USP5: variants seen among roughly 807,000 people sequenced by gnomAD.
USP5 encodes the protein ubiquitin carboxyl-terminal hydrolase 5.
In USP5, 24 loss-of-function variants were observed where a neutral mutation model predicts 102.5. That is an observed-to-expected ratio of 0.23 (90% confidence interval 0.17 to 0.33). The LOEUF is 0.33. USP5 is among the 10% of genes least tolerant of loss of function. USP5 has a pLI of 1.00. For missense variants in USP5, 753 were observed against 1,122.1 expected, an observed-to-expected ratio of 0.67 and a Z score of 4.70; for synonymous variants, 460 against 434.8, an observed-to-expected ratio of 1.06 and a Z score of -0.72.
Position 6,863,896 on chromosome 12 carries a change from G to A in USP5, c.2021G>A (p.Arg674His), listed in dbSNP as rs782070238. 1.8e-5 allele frequency: 29 copies of A among 1,612,004 alleles called. No individual in the cohort carries two copies. Among genetic ancestry groups the A allele is most frequent in the East Asian group, 4.5e-5 (2 of 44,800 alleles). The change falls in exon 16 of 20, where the codon CGC becomes CAC. Residue 674 changes from arginine to histidine, a missense_variant. Physicochemically the swap from Arg to His is conservative, Grantham distance 29 (BLOSUM62 0). Transcript: ENST00000229268. This position sits in a 1 kb window ranked among gnomAD's most constrained non-coding sequence, Gnocchi z 4.7. The part of the protein sequence containing the change: ...VEMGFPMDAC[R>H]KAVYYTGNSG... ...ATGGGATTCCCTATGGACGCCTGCC[G>A]CAAAGCTGTCTACTACACGGGCAAC...
rs151164847 is a variant in USP5, at chr12:6,853,063, TG to T, written c.111+774del. 2.8e-3 allele frequency among the ~76,000 whole-genome samples: 431 copies of T among 152,280 alleles called. 1 individual carries two copies. Among genetic ancestry groups the T allele is most frequent in the African/African-American group, 7.6e-3 (314 of 41,544 alleles). The stretch of plus-strand genomic sequence containing the variant: ...TTACACAAAGCCACCTCCCACACCA[TG>T]CTTCACGTTTTGCAGGCTCCACCTG... On this transcript the variant is annotated intron_variant, in intron 1 of 19. Transcript: ENST00000229268.
At chr12:6,852,645 C>T (rs1457416694) in intron 1 of USP5, among the ~76,000 whole-genome samples, 2 of 152,248 alleles carry the variant, frequency 1.3e-5, no homozygotes, top group Admixed American at 6.5e-5. Context: ...CTGCCGCGCA[C>T]GGCTCTCCGG....
intron 1 of USP5, among the ~76,000 whole-genome samples, chr12:6,853,468 G>A (rs782504734): frequency 1.6e-4 from 25 of 152,336 alleles, no homozygotes; most frequent in Non-Finnish European, 3.2e-4. Context: ...GCAGAGCTCC[G>A]GGGTTCCCAA....
chr12:6,854,442 T>C (rs1354749962), intron 1 of USP5, among the ~76,000 whole-genome samples: 4 of 152,136 alleles, frequency 2.6e-5, no homozygotes, highest in African/African-American at 9.7e-5. Context: ...TTCGACTACC[T>C]GGTAGAATGT....
In USP5 at chr12:6,861,119, A is replaced by T. The variant is rs377378758; in HGVS notation, c.1498+13A>T. 22 of 1,613,686 alleles carry T rather than the reference A, an allele frequency of 1.4e-5. No individual in the cohort carries two copies. Among genetic ancestry groups the T allele is most frequent in the Non-Finnish European group, 1.9e-5 (22 of 1,179,800 alleles). The stretch of plus-strand genomic sequence containing the variant: ...GCCCTTAACAAAGGTAGGCTGCTCC[A>T]TCAGCAAGGCCGTGGCACGGTGGGA... On this transcript the variant is annotated intron_variant, in intron 12 of 19. Transcript: ENST00000229268. The surrounding 1 kb of genome is among the most constrained non-coding windows in gnomAD (Gnocchi z 4.9).
chr12:6,857,041 T>TG, intron 6 of USP5, 150 bp downstream of exon 6: 5 of 1,080,972 alleles, frequency 4.6e-6, no homozygotes, highest in Non-Finnish European at 6.5e-6. Context: ...ATCCCAACAC[T>TG]TTGGGAGGCC....
rs1252048032 is a variant in USP5 at position 6,855,002 on chromosome 12, C to G, written c.112-399C>G. 9.9e-5 allele frequency among the ~76,000 whole-genome samples: 15 copies of G among 152,096 alleles called. No individual in the cohort carries two copies. The highest frequency in any genetic ancestry group is 3.6e-4 in the African/African-American group (15 of 41,394). On this transcript the variant is annotated intron_variant, in intron 1 of 19. Coordinates refer to ENST00000229268, the MANE Select transcript of USP5 (RefSeq NM_001098536.2). This position sits in a 1 kb window ranked among gnomAD's most constrained non-coding sequence, Gnocchi z 4.6. ...AATGTAATCTCCAGCACTGGAAGTC[C>G]ACAGTATTTGATCCCCATTTACTTT...
In USP5 at chr12:6,860,935, C is replaced by T; in HGVS notation, c.1345-18C>T. The T allele has an allele frequency of 6.2e-7, 1 of 1,613,916 alleles. No individual in the cohort carries two copies. The highest frequency in any genetic ancestry group is 2.2e-5 in the East Asian group (1 of 44,882). Reference sequence around the variant, plus strand: ...TCCCTGGCTGCCCAGACCTCCCTACCCTGCCTCTTTCCCATAGAGGAATTG... The same window carrying T: ...TCCCTGGCTGCCCAGACCTCCCTACTCTGCCTCTTTCCCATAGAGGAATTG... On this transcript the variant is annotated intron_variant, in intron 11 of 19. Coordinates refer to ENST00000229268, the MANE Select transcript of USP5 (RefSeq NM_001098536.2). The surrounding 1 kb of genome is among the most constrained non-coding windows in gnomAD (Gnocchi z 5.5).
At chr12:6,862,690 T>G (rs781991611) in intron 14 of USP5, 132 bp downstream of exon 14, 17 of 757,544 alleles carry the variant, frequency 2.2e-5, no homozygotes, top group Non-Finnish European at 3.4e-5. Context: ...GTTTCAAAAT[T>G]TATCTAGTTT....
chr12:6,862,606 G>C (rs1444301683), intron 14 of USP5, 48 bp downstream of exon 14: 1 of 1,569,162 alleles, frequency 6.4e-7, no homozygotes. Flanking sequence ...GCTAGAAAAA[G>C]AAGGGGCTTT....
intron 6 of USP5, 131 bp from the exon 7 acceptor site, chr12:6,857,498 A>C (rs1221601360): frequency 1.4e-6 from 1 of 713,350 alleles, no homozygotes; most frequent in African/African-American, 1.8e-5. Flanking sequence ...CTCATATTCA[A>C]GGGAACCAAG....
chr12:6,863,065 C>T lies in USP5; in HGVS notation c.1763-121C>T, dbSNP rs1565533331. Reference sequence around the variant, plus strand: ...TATACTGGGACCCCTAAGATGGGTGCCGTGCTTTTAGCAGCTCCTCTTTAC... The same window carrying T: ...TATACTGGGACCCCTAAGATGGGTGTCGTGCTTTTAGCAGCTCCTCTTTAC... On this transcript the variant is annotated intron_variant, in intron 14 of 19. Transcript: ENST00000229268. This position sits in a 1 kb window ranked among gnomAD's most constrained non-coding sequence, Gnocchi z 4.7. 3 of 964,168 alleles carry T rather than the reference C, an allele frequency of 3.1e-6. No individual in the cohort carries two copies. Among genetic ancestry groups the T allele is most frequent in the African/African-American group, 3.3e-5 (2 of 60,386 alleles). The allele number at this position is 964,168 out of a possible 1,614,324, so 59.7% of individuals were successfully genotyped here.
rs1411939169 is a variant in USP5 at position 6,861,102 on chromosome 12, C to T, written c.1494C>T (p.Asn498=). 12 of 1,613,942 alleles carry T rather than the reference C, an allele frequency of 7.4e-6. No homozygotes were observed. Among genetic ancestry groups the T allele is most frequent in the Non-Finnish European group, 1.0e-5 (12 of 1,179,956 alleles). Reference sequence around the variant, plus strand: ...CTGTGCCCATGGATGCAGCCCTTAACAAAGGTAGGCTGCTCCATCAGCAAG... The same window carrying T: ...CTGTGCCCATGGATGCAGCCCTTAATAAAGGTAGGCTGCTCCATCAGCAAG... The part of the protein sequence containing the change: ...QLPVPMDAAL[N]KEELLEYEEK... The change falls in exon 12 of 20, where the codon AAC becomes AAT. Residue 498 remains asparagine, a synonymous_variant. Transcript: ENST00000229268. The surrounding 1 kb of genome is among the most constrained non-coding windows in gnomAD (Gnocchi z 4.9).
rs782794069 is a variant in USP5 at position 6,862,603 on chromosome 12, A to G, written c.1762+45A>G. 2.5e-6 allele frequency: 4 copies of G among 1,573,042 alleles called. No homozygotes were observed. The Admixed American group carries it at 6.7e-5, about 26-fold the overall frequency. On this transcript the variant is annotated intron_variant, in intron 14 of 19. Transcript: ENST00000229268. ...GGAGGTTACACAGAAAATGCTAGAA[A>G]AAGAAGGGGCTTTAACACATATAAA...
At position 6,864,790 on chromosome 12, in the gene USP5, C is replaced by G. The variant is rs781860852; in HGVS notation, c.2313C>G (p.Ala771=). ...SHIDDLDAEA[A]MDISEGRSAA... ...TTGACGACCTGGATGCTGAAGCTGC[C>G]ATGGACATCTCAGAGGGCCGCTCAG... The change falls in exon 18 of 20, where the codon GCC becomes GCG. Residue 771 remains alanine, a synonymous_variant. Transcript: ENST00000229268. This position sits in a 1 kb window ranked among gnomAD's most constrained non-coding sequence, Gnocchi z 4.8. The G allele has an allele frequency of 6.2e-7, 1 of 1,613,868 alleles. No individual in the cohort carries two copies.
chr12:6,856,989 A>G lies in USP5; in HGVS notation c.769+98A>G. 1 of 1,432,484 alleles carries G rather than the reference A, an allele frequency of 7.0e-7. No homozygotes were observed. The highest frequency in any genetic ancestry group is 2.3e-5 in the Admixed American group (1 of 42,996). The allele number at this position is 1,432,484 out of a possible 1,614,324, so 88.7% of individuals were successfully genotyped here. ...TATAATACATGAATGCATTATCTTG[A>G]TAAGAAAGGAAAGTAGTCAGGTGCG... On this transcript the variant is annotated intron_variant, in intron 6 of 19. Transcript: ENST00000229268. This position sits in a 1 kb window ranked among gnomAD's most constrained non-coding sequence, Gnocchi z 5.6.
chr12:6,864,798 T>C lies in USP5; in HGVS notation c.2321T>C (p.Ile774Thr). Reference sequence around the variant, plus strand: ...CTGGATGCTGAAGCTGCCATGGACATCTCAGAGGGCCGCTCAGCTGCCGAC... The same window carrying C: ...CTGGATGCTGAAGCTGCCATGGACACCTCAGAGGGCCGCTCAGCTGCCGAC... Reference protein sequence around the residue: ...DDLDAEAAMDISEGRSAADSI... With the variant: ...DDLDAEAAMDTSEGRSAADSI... Residue 774 changes from isoleucine to threonine, a missense_variant, in exon 18 of 20, where the codon ATC becomes ACC. This residue lies in a region of USP5 where 193 missense variants were observed against 230.2 expected (regional missense o/e 0.84). Transcript: ENST00000229268. The surrounding 1 kb of genome is among the most constrained non-coding windows in gnomAD (Gnocchi z 4.8). 1 of 1,613,924 alleles carries C rather than the reference T, an allele frequency of 6.2e-7. No individual in the cohort carries two copies. The highest frequency in any genetic ancestry group is 8.5e-7 in the Non-Finnish European group (1 of 1,180,026).
In USP5 at chr12:6,859,559, A is replaced by T. The variant is rs781828887; in HGVS notation, c.1130+18A>T. 2.5e-6 allele frequency: 4 copies of T among 1,613,650 alleles called. No individual in the cohort carries two copies. The African/African-American group carries it at 5.3e-5, about 22-fold the overall frequency. On this transcript the variant is annotated intron_variant, in intron 9 of 19. Transcript: ENST00000229268. ...ACCCAGGTGTATGTAACCAGGTCCTATGTAGGAAAGCTGTTGACAGTCATG... is the reference window on the plus strand; with the variant it reads ...ACCCAGGTGTATGTAACCAGGTCCTTTGTAGGAAAGCTGTTGACAGTCATG...
Position 6,856,412 on chromosome 12 carries a change from C to T in USP5, c.546C>T (p.Ser182=). ...EVRQVSKHAF[S]LKQLDNPARI... ...GGCAGGTGTCTAAGCATGCCTTCAG[C>T]CTCAAGCAGTTGGACAACCCTGCTC... The change falls in exon 5 of 20, where the codon AGC becomes AGT. Residue 182 remains serine, a synonymous_variant. Coordinates refer to ENST00000229268, the MANE Select transcript of USP5 (RefSeq NM_001098536.2). This position sits in a 1 kb window ranked among gnomAD's most constrained non-coding sequence, Gnocchi z 5.6. 1 of 1,613,750 alleles carries T rather than the reference C, an allele frequency of 6.2e-7. No homozygotes were observed. Among genetic ancestry groups the T allele is most frequent in the Non-Finnish European group, 8.5e-7 (1 of 1,179,846 alleles).
Sources: gnomAD v4.1 joint callset for allele counts (sites outside exome capture counted in the v4.1 genomes callset) on GRCh38, gnomAD v4.1.1 for gene constraint, gnomAD v4.1.1 regional missense constraint, Gnocchi (gnomAD v3.1) non-coding constraint, MANE v1.5 for transcripts, NCBI Gene and HGNC (gene_info 2026-07-23, HGNC 2026-07-21) for gene names.